MRPS5: variants seen among roughly 807,000 people sequenced by gnomAD.
The protein encoded by MRPS5 is mitochondrial ribosomal protein S5.
In MRPS5, 27 loss-of-function variants were observed where a neutral mutation model predicts 51.9. The ratio of observed to expected loss-of-function variants is 0.52; its 90% CI spans 0.38 to 0.72. The LOEUF (loss-of-function observed/expected upper bound fraction) is 0.72, where lower values mean the gene tolerates loss of function less well. MRPS5 is among the 30% of genes least tolerant of loss of function. MRPS5 has a pLI of 0.00. For synonymous variants in MRPS5, 196 were observed against 193.2 expected (o/e 1.01, Z -0.12); for missense variants, 570 against 545.7 (o/e 1.04, Z -0.44).
Position 95,104,684 on chromosome 2 carries a change from G to C in MRPS5, c.719C>G (p.Ser240Trp). The change falls in exon 7 of 12, where the codon TCG (serine) becomes TGG (tryptophan). Residue 240 changes from serine to tryptophan, a missense_variant. Ser to Trp is a radical substitution (Grantham distance 177). Transcript: ENST00000272418. The part of the protein sequence containing the change: ...TMTAKEGRKK[S>W]IRVLVAVGNG... ...CCCCACAGCCACCAAGACACGGATC[G>C]ATTTCTTTCTTCCCTCTTTCGCAGT... is the stretch of plus-strand genomic sequence containing the variant. 1 of 1,614,060 alleles carries C rather than the reference G, an allele frequency of 6.2e-7. No homozygotes were observed. Among genetic ancestry groups the C allele is most frequent in the Non-Finnish European group, 8.5e-7 (1 of 1,179,988 alleles).
At chr2:95,096,422 C>T (rs1163801192) in intron 10 of MRPS5, among the ~76,000 whole-genome samples, 7 of 152,122 alleles carry the variant, frequency 4.6e-5, no homozygotes, top group African/African-American at 1.4e-4. Flanking sequence ...TGATGAATAT[C>T]GATGCAAAAA....
At chr2:95,108,639 G>A (rs554666596) in intron 4 of MRPS5, among the ~76,000 whole-genome samples, 3 of 152,262 alleles carry the variant, frequency 2.0e-5, no homozygotes, top group Admixed American at 6.5e-5. Context: ...GCTTGGACAA[G>A]GACGTCCACT....
At chr2:95,092,012 G>GC (rs1331822107) in intron 10 of MRPS5, 1 of 152,290 alleles carries the variant, frequency 6.6e-6, no homozygotes, top group African/African-American at 2.4e-5. Context: ...AATGACTGTG[G>GC]CAAGAAGATC....
rs1370863497 is a variant in MRPS5 at position 95,101,682 on chromosome 2, T to A, written c.805A>T (p.Arg269Trp). 1 of 1,598,566 alleles carries A rather than the reference T, an allele frequency of 6.3e-7. No individual in the cohort carries two copies. Among genetic ancestry groups the A allele is most frequent in the Non-Finnish European group, 8.5e-7 (1 of 1,176,006 alleles). The stretch of plus-strand genomic sequence containing the variant: ...AAGAAAAAAAATGTACATACTTTCC[T>A]GAAAGCATCCATCCGATCAGTAGCT... ...GKATDRMDAF[R>W]KAKNRAVHHL... The change falls in exon 8 of 12, where the codon AGG (arginine) becomes TGG (tryptophan). Residue 269 changes from arginine to tryptophan, a missense_variant. Coordinates refer to ENST00000272418, the MANE Select transcript of MRPS5 (RefSeq NM_031902.5).
intron 3 of MRPS5, among the ~76,000 whole-genome samples, chr2:95,110,347 AT>A (rs1227992002): frequency 1.3e-5 from 2 of 152,218 alleles, no homozygotes; most frequent in Non-Finnish European, 2.9e-5. Flanking sequence ...TTTCCCTGAC[AT>A]TTTATCAACC....
At chr2:95,089,485 A>T (rs1675394495) in intron 11 of MRPS5, among the ~76,000 whole-genome samples, 4 of 152,236 alleles carry the variant, frequency 2.6e-5, no homozygotes, top group Admixed American at 2.6e-4. Context: ...CCTCCTGGGC[A>T]GGTAGGGGAG....
At chr2:95,098,043 T>C (rs965572397) in intron 10 of MRPS5, among the ~76,000 whole-genome samples, 2 of 152,160 alleles carry the variant, frequency 1.3e-5, no homozygotes, top group African/African-American at 4.8e-5. Context: ...GCAAAGGATA[T>C]GAACAGACAC....
intron 5 of MRPS5, among the ~76,000 whole-genome samples, chr2:95,107,153 A>G (rs892828157): frequency 5.3e-5 from 8 of 152,244 alleles, no homozygotes; most frequent in African/African-American, 1.9e-4. Context: ...AGTCAGCTTC[A>G]ACACGCATCA....
chr2:95,087,620 T>C, intron 11 of MRPS5, 39 bp from the exon 12 acceptor site: 1 of 1,559,346 alleles, frequency 6.4e-7, no homozygotes, highest in Non-Finnish European at 8.7e-7. Context: ...AGGTCTGAAG[T>C]ACATTTGCAA....
chr2:95,121,013 G>C (rs1046910873), intron 1 of MRPS5, among the ~76,000 whole-genome samples: 1 of 152,136 alleles, frequency 6.6e-6, no homozygotes, highest in South Asian at 2.1e-4. Context: ...AGCTACTCAG[G>C]AGGCTGAGGC....
At chr2:95,109,851 A>G in intron 4 of MRPS5, 65 bp downstream of exon 4, 2 of 1,549,598 alleles carry the variant, frequency 1.3e-6, no homozygotes, top group Non-Finnish European at 1.7e-6. Flanking sequence ...AGTTTGTAAA[A>G]TATCTATAAA....
chr2:95,101,733 A>G lies in MRPS5; in HGVS notation c.764-10T>C, dbSNP rs1344030963. ...TTCCCAATAGAAAAACCTTTAAACA[A>G]AAAAGCAAAAATAAGAAAAGAGACA... is the stretch of plus-strand genomic sequence containing the variant. On this transcript the variant is annotated splice_polypyrimidine_tract_variant and intron_variant, in intron 7 of 11. Transcript: ENST00000272418. 1.3e-6 allele frequency: 2 copies of G among 1,590,206 alleles called. No individual in the cohort carries two copies. Among genetic ancestry groups the G allele is most frequent in the South Asian group, 1.2e-5 (1 of 86,160 alleles).
intron 10 of MRPS5, among the ~76,000 whole-genome samples, chr2:95,099,978 G>A (rs1191623413): frequency 2.0e-5 from 3 of 152,106 alleles, no homozygotes; most frequent in Non-Finnish European, 4.4e-5. Flanking sequence ...AGGCATGACT[G>A]CCCTAGCCCA....
At chr2:95,105,559 G>T (rs78701577) in intron 6 of MRPS5, among the ~76,000 whole-genome samples, 1 of 151,912 alleles carries the variant, frequency 6.6e-6, no homozygotes, top group Non-Finnish European at 1.5e-5. Context: ...AAAAAAAAAG[G>T]CCAGGAACTA....
chr2:95,085,437 G>A lies in MRPS5; in HGVS notation c.*1920C>T, dbSNP rs558321895. Among the ~76,000 whole-genome samples, 44 of 152,170 alleles carry A rather than the reference G, an allele frequency of 2.9e-4. No homozygotes were observed. The highest frequency in any genetic ancestry group is 1.5e-5 in the Non-Finnish European group (1 of 68,004). On this transcript the variant is annotated 3_prime_UTR_variant, in exon 12 of 12. Transcript: ENST00000272418. ...AAGTTCATTGTCTTTATATTTGTTAGGTACTTAAGAAGGAAAACTAACAGG... is the reference window on the plus strand; with the variant it reads ...AAGTTCATTGTCTTTATATTTGTTAAGTACTTAAGAAGGAAAACTAACAGG...
At chr2:95,121,932 G>T, upstream of MRPS5, 1 of 974,942 alleles carries the variant, frequency 1.0e-6, no homozygotes, top group Non-Finnish European at 1.4e-6. Flanking sequence ...GCAGGCCGGG[G>T]TGAGGGACTG....
chr2:95,105,745 G>T (rs1157810300), intron 6 of MRPS5, among the ~76,000 whole-genome samples: 1 of 152,208 alleles, frequency 6.6e-6, no homozygotes, highest in Non-Finnish European at 1.5e-5. Context: ...AAAGCTGTAA[G>T]TGGGAATACC....
chr2:95,101,283 C>T (rs943007805), intron 8 of MRPS5, among the ~76,000 whole-genome samples: 5 of 150,760 alleles, frequency 3.3e-5, no homozygotes, highest in African/African-American at 7.3e-5. Flanking sequence ...ACTTGGGAGG[C>T]GGAGGCAGGA....
intron 11 of MRPS5, 96 bp from the exon 12 acceptor site, chr2:95,087,677 G>C: frequency 1.0e-6 from 1 of 988,122 alleles, no homozygotes; most frequent in Non-Finnish European, 1.5e-6. Flanking sequence ...CAGCCTGGGG[G>C]TATTCAAAGG....
Sources: allele counts gnomAD v4.1 joint callset (sites outside exome capture counted in the v4.1 genomes callset), GRCh38; gene constraint gnomAD v4.1.1; transcripts MANE v1.5; gene names NCBI Gene and HGNC (gene_info 2026-07-23, HGNC 2026-07-21).